The following NCKAP5 variants were observed in gnomAD, a reference collection of about 807,000 sequenced individuals.
NCKAP5 encodes nck-associated protein 5.
Under a neutral mutation model 167.0 loss-of-function variants are expected in NCKAP5, and 92 were observed. The ratio of observed to expected loss-of-function variants is 0.55; its 90% CI spans 0.47 to 0.66. The LOEUF (loss-of-function observed/expected upper bound fraction) is 0.66. Among genes scored for constraint, NCKAP5 ranks in the 30% least tolerant of loss-of-function variants. NCKAP5 has a pLI of 0.00. For synonymous variants in NCKAP5, 891 were observed against 877.4 expected (o/e 1.02, Z -0.27); for missense variants, 2,378 against 2,315.0 (o/e 1.03, Z -0.56).
At chr2:133,268,311 A>G (rs570958010) in intron 4 of NCKAP5, 4 of 152,164 alleles carry the variant, frequency 2.6e-5, no homozygotes, top group Non-Finnish European at 5.9e-5. Context: ...CTAGGCAACT[A>G]TGGACACTCT....
At chr2:132,809,419 A>G (rs1356237951) in intron 11 of NCKAP5, among the ~76,000 whole-genome samples, 5 of 152,038 alleles carry the variant, frequency 3.3e-5, no homozygotes, top group African/African-American at 1.2e-4. Context: ...TCTTAGGTCT[A>G]TTAGTAATTG....
At chr2:133,412,645 C>T (rs1438520649) in intron 3 of NCKAP5, among the ~76,000 whole-genome samples, 1 of 152,112 alleles carries the variant, frequency 6.6e-6, no homozygotes, top group Non-Finnish European at 1.5e-5. Context: ...AAAGTGAAGA[C>T]CTTAACTTTT....
chr2:132,803,049 T>C (rs559014300), intron 11 of NCKAP5, among the ~76,000 whole-genome samples: 1 of 152,340 alleles, frequency 6.6e-6, no homozygotes, highest in Non-Finnish European at 1.5e-5. Context: ...CACAAAAATT[T>C]GAGACCAGGA....
At chr2:133,348,525 A>G (rs1413229864) in intron 3 of NCKAP5, among the ~76,000 whole-genome samples, 1 of 152,130 alleles carries the variant, frequency 6.6e-6, no homozygotes, top group Non-Finnish European at 1.5e-5. Context: ...TATAGCCAAC[A>G]TCACCATGTT....
intron 11 of NCKAP5, among the ~76,000 whole-genome samples, chr2:132,856,427 T>C (rs1167379493): frequency 6.6e-6 from 1 of 152,162 alleles, no homozygotes; most frequent in African/African-American, 2.4e-5. Flanking sequence ...AAAGTCCGCA[T>C]TCTAAGAAGT....
Position 133,322,478 on chromosome 2 carries a change from T to C in NCKAP5, c.70-19368A>G, listed in dbSNP as rs575478997. Among the ~76,000 whole-genome samples the C allele has an allele frequency of 9.8e-5, 15 of 152,376 alleles. No individual in the cohort carries two copies. In the South Asian group the frequency reaches 3.1e-3, roughly 32 times the overall value. On this transcript the variant is annotated intron_variant, in intron 3 of 19. Transcript: ENST00000409261. Reference sequence around the variant, plus strand: ...ATTACAAAGTTTGCTTAATTATCTTTTACAACATACCAGTAAAACAGTGTG... The same window carrying C: ...ATTACAAAGTTTGCTTAATTATCTTCTACAACATACCAGTAAAACAGTGTG...
rs560046306 is a variant in NCKAP5 at position 132,923,452 on chromosome 2, A to G, written c.579+40268T>C. On this transcript the variant is annotated intron_variant, in intron 8 of 19. Coordinates refer to ENST00000409261, the MANE Select transcript of NCKAP5 (RefSeq NM_207363.3). ...CAAGGGGTCACAAATAGGGCAAATC[A>G]CCAGCTTAACAACATGTGAAATTTT... Among the ~76,000 whole-genome samples the G allele has an allele frequency of 7.9e-5, 12 of 152,340 alleles. No homozygotes were observed. The East Asian group carries it at 2.3e-3, about 29-fold the overall frequency.
At chr2:133,199,256 C>T (rs1373869925) in intron 5 of NCKAP5, among the ~76,000 whole-genome samples, 1 of 151,938 alleles carries the variant, frequency 6.6e-6, no homozygotes, top group Admixed American at 6.6e-5. Context: ...AGTTTTAATA[C>T]TAGACTGCTT....
intron 3 of NCKAP5, among the ~76,000 whole-genome samples, chr2:133,407,207 T>A (rs1367514149): frequency 1.3e-5 from 2 of 152,218 alleles, no homozygotes; most frequent in African/African-American, 2.4e-5. Flanking sequence ...GATCTTTTGT[T>A]CAGGTGCTGA....
intron 5 of NCKAP5, among the ~76,000 whole-genome samples, chr2:133,203,698 C>G (rs7572178): frequency 6.7e-6 from 1 of 150,250 alleles, no homozygotes; most frequent in Non-Finnish European, 1.5e-5. Flanking sequence ...ATCTAAGTGT[C>G]GGCAGTCCTG....
intron 6 of NCKAP5, among the ~76,000 whole-genome samples, chr2:133,057,569 T>C (rs751826201): frequency 5.3e-5 from 8 of 152,200 alleles, no homozygotes; most frequent in African/African-American, 1.4e-4. Context: ...AGCCAAAGCC[T>C]AGCCTGCAGC....
At chr2:133,212,852 T>G (rs953818887) in intron 5 of NCKAP5, among the ~76,000 whole-genome samples, 4 of 152,230 alleles carry the variant, frequency 2.6e-5, no homozygotes, top group African/African-American at 4.8e-5. Context: ...GACAGAAGTA[T>G]GAGGCCAGCA....
intron 5 of NCKAP5, among the ~76,000 whole-genome samples, chr2:133,195,153 A>G (rs1204916519): frequency 6.6e-6 from 1 of 152,138 alleles, no homozygotes; most frequent in Non-Finnish European, 1.5e-5. Context: ...CGAACTCTGC[A>G]GTGTAGCTAG....
chr2:133,471,448 T>C (rs1359093530), intron 3 of NCKAP5, among the ~76,000 whole-genome samples: 7 of 152,200 alleles, frequency 4.6e-5, no homozygotes, highest in Admixed American at 3.9e-4. Context: ...GACCCAGTCA[T>C]TGCAAATTTG....
chr2:132,710,803 T>A (rs774562955), intron 19 of NCKAP5, among the ~76,000 whole-genome samples: 1 of 152,174 alleles, frequency 6.6e-6, no homozygotes, highest in Non-Finnish European at 1.5e-5. Context: ...CATTTGTAAT[T>A]TGACTGTATT....
intron 19 of NCKAP5, among the ~76,000 whole-genome samples, chr2:132,717,917 G>C (rs1689526059): frequency 6.6e-6 from 1 of 152,172 alleles, no homozygotes; most frequent in Non-Finnish European, 1.5e-5. Flanking sequence ...GCTGGAAACT[G>C]AGCCCTTTGT....
At chr2:133,499,850 G>A (rs1056949460) in intron 3 of NCKAP5, among the ~76,000 whole-genome samples, 13 of 152,258 alleles carry the variant, frequency 8.5e-5, no homozygotes, top group East Asian at 1.9e-4. Flanking sequence ...GAGCCACCGC[G>A]CCTGGCCCCA....
At chr2:133,257,677 A>T (rs1418147614) in intron 4 of NCKAP5, among the ~76,000 whole-genome samples, 2 of 152,214 alleles carry the variant, frequency 1.3e-5, no homozygotes, top group East Asian at 3.9e-4. Context: ...CAGATGCTTA[A>T]CTTTGTGTAC....
chr2:133,673,496 C>G, the NCKAP5 span, among the ~76,000 whole-genome samples: 1 of 152,198 alleles, frequency 6.6e-6, no homozygotes, highest in Middle Eastern at 3.2e-3. Context: ...CACTCTGGAG[C>G]GTATACTACT....
Sources: gnomAD v4.1 joint callset for allele counts (sites outside exome capture counted in the v4.1 genomes callset) on GRCh38, gnomAD v4.1.1 for gene constraint, MANE v1.5 for transcripts, NCBI Gene and HGNC (gene_info 2026-07-23, HGNC 2026-07-21) for gene names.